DNAH12: variants seen among roughly 807,000 people sequenced by gnomAD.
DNAH12 encodes dynein axonemal heavy chain 12.
In DNAH12, 285 loss-of-function variants were observed where a neutral mutation model predicts 371.5. The ratio of observed to expected loss-of-function variants is 0.77; its 90% CI spans 0.70 to 0.85. DNAH12 has a LOEUF of 0.85. Ranked by LOEUF, DNAH12 falls within the 40% of genes least tolerant of loss-of-function variation. DNAH12 has a pLI of 0.00. For missense variants in DNAH12, 3,611 were observed against 3,689.4 expected (o/e 0.98, Z 0.55); for synonymous variants, 1,200 against 1,213.0 (o/e 0.99, Z 0.22).
At chr3:57,450,024 G>C (rs1488037744) in intron 25 of DNAH12, among the ~76,000 whole-genome samples, 2 of 152,188 alleles carry the variant, frequency 1.3e-5, no homozygotes, top group Admixed American at 6.5e-5. Context: ...TAGGCAGGTG[G>C]ATCACTTGAG....
Position 57,471,467 on chromosome 3 carries a change from C to T in DNAH12, c.1911+5G>A, listed in dbSNP as rs1235089390. 2 of 1,535,216 alleles carry T rather than the reference C, an allele frequency of 1.3e-6. No individual in the cohort carries two copies. Among genetic ancestry groups the T allele is most frequent in the Non-Finnish European group, 1.7e-6 (2 of 1,142,940 alleles). On this transcript the variant is annotated splice_donor_5th_base_variant and intron_variant, in intron 15 of 73. Coordinates refer to ENST00000495027, the MANE Select transcript of DNAH12 (RefSeq NM_001366028.2). ...CATAGCTATTGTCTCATATATTTAT[C>T]AGACCTGTTGCATGCGCTCCAGCTC...
At chr3:57,354,452 T>C (rs2062750474) in intron 59 of DNAH12, among the ~76,000 whole-genome samples, 1 of 151,152 alleles carries the variant, frequency 6.6e-6, no homozygotes, top group African/African-American at 2.4e-5. Flanking sequence ...TGACATGTAG[T>C]TTACCTGTAT....
chr3:57,503,599 G>A (rs184247629), intron 9 of DNAH12, among the ~76,000 whole-genome samples: 1 of 152,104 alleles, frequency 6.6e-6, no homozygotes, highest in Admixed American at 6.5e-5. Context: ...ATGTTGGCCA[G>A]GATGGTCTTG....
chr3:57,379,585 A>G (rs1412565402), intron 51 of DNAH12, among the ~76,000 whole-genome samples: 1 of 152,120 alleles, frequency 6.6e-6, no homozygotes, highest in Admixed American at 6.5e-5. Flanking sequence ...TCACACCTGT[A>G]ATCCCAGCAC....
chr3:57,317,749 G>C (rs1437545176), intron 65 of DNAH12, among the ~76,000 whole-genome samples: 1 of 152,078 alleles, frequency 6.6e-6, no homozygotes, highest in Non-Finnish European at 1.5e-5. Flanking sequence ...TCTCCATACT[G>C]TTTTCCTTAA....
chr3:57,299,545 T>C (rs1429558001), intron 70 of DNAH12, among the ~76,000 whole-genome samples: 1 of 152,056 alleles, frequency 6.6e-6, no homozygotes, highest in Non-Finnish European at 1.5e-5. Flanking sequence ...GAAGATGCTA[T>C]GGACTGAATG....
chr3:57,399,619 T>C (rs2063815514), intron 43 of DNAH12, among the ~76,000 whole-genome samples: 2 of 152,182 alleles, frequency 1.3e-5, no homozygotes, highest in Non-Finnish European at 2.9e-5. Flanking sequence ...GATATAACAA[T>C]TACAGTTGAC....
intron 1 of DNAH12, among the ~76,000 whole-genome samples, chr3:57,543,361 C>T (rs995473916): frequency 1.7e-5 from 2 of 118,166 alleles, no homozygotes; most frequent in East Asian, 2.4e-4. Flanking sequence ...CTTGCTCTGT[C>T]GCCCAGGCTG....
intron 4 of DNAH12, among the ~76,000 whole-genome samples, chr3:57,512,050 G>T (rs1017304862): frequency 1.3e-5 from 2 of 151,602 alleles, no homozygotes; most frequent in Non-Finnish European, 2.9e-5. Flanking sequence ...AAGGAAACAA[G>T]TAATAGATTA....
At chr3:57,340,973 A>C (rs1307391264) in intron 60 of DNAH12, among the ~76,000 whole-genome samples, 2 of 152,240 alleles carry the variant, frequency 1.3e-5, no homozygotes, top group Non-Finnish European at 2.9e-5. Flanking sequence ...CTAGGGATGC[A>C]AGGATTATTC....
At chr3:57,334,964 T>C (rs759104481) in intron 60 of DNAH12, 24 bp from the exon 61 acceptor site, 139 of 1,526,622 alleles carry the variant, frequency 9.1e-5, no homozygotes, top group Non-Finnish European at 1.2e-4. Context: ...ATAAGGACTG[T>C]TATATAATTG....
At chr3:57,445,546 T>G in intron 27 of DNAH12, 127 bp from the exon 28 acceptor site, 1 of 783,066 alleles carries the variant, frequency 1.3e-6, no homozygotes, top group Non-Finnish European at 1.7e-6. Context: ...TTCTAAACTC[T>G]AATTTTTTTT....
At chr3:57,342,484 C>CAAAAAAA (rs71088060) in intron 60 of DNAH12, among the ~76,000 whole-genome samples, 13 of 66,046 alleles carry the variant, frequency 2.0e-4, no homozygotes, top group African/African-American at 2.3e-4. Context: ...ACTAAAAATA[C>CAAAAAAA]AAAAAAAAAA....
chr3:57,523,572 C>A lies in DNAH12; in HGVS notation c.279+11G>T. On this transcript the variant is annotated intron_variant, in intron 4 of 73. Transcript: ENST00000495027. ...CATTTTCAAACAAGAAATATAAAAA[C>A]TTGAACTCACTCCTTTTTTTTTCAT... 1 of 1,580,134 alleles carries A rather than the reference C, an allele frequency of 6.3e-7. No individual in the cohort carries two copies. The highest frequency in any genetic ancestry group is 8.6e-7 in the Non-Finnish European group (1 of 1,163,560).
chr3:57,453,176 T>A, intron 24 of DNAH12, 71 bp downstream of exon 24: 1 of 1,481,964 alleles, frequency 6.7e-7, no homozygotes, highest in Non-Finnish European at 8.9e-7. Context: ...GAAGAATACA[T>A]ATAGTACAAG....
intron 35 of DNAH12, among the ~76,000 whole-genome samples, chr3:57,424,363 C>T (rs140884328): frequency 0.022 from 3,348 of 149,084 alleles, 96 homozygotes; most frequent in African/African-American, 0.078. Context: ...CCCAGCTACT[C>T]GGGAGGCTGG....
At chr3:57,544,848 A>G (rs1296037373), upstream of DNAH12, among the ~76,000 whole-genome samples, 1 of 152,204 alleles carries the variant, frequency 6.6e-6, no homozygotes, top group African/African-American at 2.4e-5. Flanking sequence ...AAGCTGCACA[A>G]TGCATACTAC....
intron 43 of DNAH12, 119 bp from the exon 44 acceptor site, chr3:57,394,451 A>G (rs1361146252): frequency 3.3e-5 from 5 of 152,034 alleles, no homozygotes; most frequent in Non-Finnish European, 5.9e-5. Flanking sequence ...ACCTCTCCCC[A>G]CTTCTACTGG....
At chr3:57,306,974 C>G (rs2061485929) in intron 69 of DNAH12, among the ~76,000 whole-genome samples, 2 of 152,158 alleles carry the variant, frequency 1.3e-5, no homozygotes, top group Non-Finnish European at 2.9e-5. Context: ...TCATCCCAGC[C>G]TCTCTTCGCT....
Sources: allele counts gnomAD v4.1 joint callset (sites outside exome capture counted in the v4.1 genomes callset), GRCh38; gene constraint gnomAD v4.1.1; transcripts MANE v1.5; gene names NCBI Gene and HGNC (gene_info 2026-07-23, HGNC 2026-07-21).